Variants in KCTD16 observed in about 807,000 individuals in gnomAD.
The protein encoded by KCTD16 is BTB/POZ domain-containing protein KCTD16.
Under a neutral mutation model 33.2 loss-of-function variants are expected in KCTD16, and 13 were observed. The observed-to-expected ratio is 0.39, with a 90% confidence interval of 0.25 to 0.62. The LOEUF is 0.62. KCTD16 is among the 20% of genes least tolerant of loss of function. KCTD16 has a pLI of 0.50. For synonymous variants in KCTD16, 197 were observed against 195.3 expected, an observed-to-expected ratio of 1.01 and a Z score of -0.07; for missense variants, 441 against 525.1, an observed-to-expected ratio of 0.84 and a Z score of 1.57.
At chr5:144,218,994 C>T (rs1753648575) in intron 3 of KCTD16, among the ~76,000 whole-genome samples, 1 of 152,156 alleles carries the variant, frequency 6.6e-6, no homozygotes, top group Non-Finnish European at 1.5e-5. Context: ...GCATCAAACT[C>T]ATCTGGATAA....
At chr5:144,416,884 T>G (rs1561600257) in intron 3 of KCTD16, among the ~76,000 whole-genome samples, 2 of 152,198 alleles carry the variant, frequency 1.3e-5, no homozygotes, top group Non-Finnish European at 2.9e-5. Flanking sequence ...TGTGATATTG[T>G]GTGTGTGGCT....
intron 2 of KCTD16, among the ~76,000 whole-genome samples, chr5:144,193,502 C>T (rs1752883705): frequency 6.6e-6 from 1 of 152,100 alleles, no homozygotes; most frequent in South Asian, 2.1e-4. Context: ...TATCAATCCT[C>T]TTCTCCTTGC....
intron 3 of KCTD16, among the ~76,000 whole-genome samples, chr5:144,320,660 T>C (rs1752046668): frequency 6.6e-6 from 1 of 152,162 alleles, no homozygotes. Flanking sequence ...GTGCAACTCA[T>C]TTGCTACCTG....
intron 3 of KCTD16, among the ~76,000 whole-genome samples, chr5:144,318,093 A>G (rs1751971363): frequency 6.6e-6 from 1 of 152,174 alleles, no homozygotes; most frequent in African/African-American, 2.4e-5. Flanking sequence ...TGGCTATGCA[A>G]TGTTTCCTTT....
intron 3 of KCTD16, among the ~76,000 whole-genome samples, chr5:144,388,871 TGATA>T (rs756480976): frequency 4.6e-5 from 7 of 152,352 alleles, no homozygotes; most frequent in Admixed American, 1.3e-4. Context: ...AAACTCATTC[TGATA>T]GATAAATAGT....
chr5:144,271,553 C>T (rs189769253), intron 3 of KCTD16, among the ~76,000 whole-genome samples: 4 of 152,092 alleles, frequency 2.6e-5, no homozygotes, highest in Admixed American at 6.5e-5. Context: ...ACACTGAATG[C>T]TGTAAGACTG....
At chr5:144,212,451 G>A (rs1040513266) in intron 3 of KCTD16, among the ~76,000 whole-genome samples, 2 of 152,214 alleles carry the variant, frequency 1.3e-5, no homozygotes, top group South Asian at 2.1e-4. Context: ...CTCTGAAGTT[G>A]CCCCCAAGTG....
chr5:144,369,450 T>C (rs1037489053), intron 3 of KCTD16: 5 of 152,158 alleles, frequency 3.3e-5, no homozygotes, highest in African/African-American at 1.2e-4. Context: ...CCCCAACCTG[T>C]AGTCAACACG....
intron 3 of KCTD16, among the ~76,000 whole-genome samples, chr5:144,362,918 T>C (rs1190590076): frequency 5.9e-5 from 9 of 152,218 alleles, no homozygotes; most frequent in Non-Finnish European, 1.5e-5. Context: ...ATGGTGTATG[T>C]AAAGTGATTG....
chr5:144,405,102 T>G (rs2126949137), intron 3 of KCTD16, among the ~76,000 whole-genome samples: 1 of 152,310 alleles, frequency 6.6e-6, no homozygotes, highest in Middle Eastern at 3.4e-3. Flanking sequence ...GAGACTGAAC[T>G]TAAGTAATTT....
At chr5:144,179,527 C>T (rs1440034103) in intron 2 of KCTD16, among the ~76,000 whole-genome samples, 1 of 152,170 alleles carries the variant, frequency 6.6e-6, no homozygotes, top group Non-Finnish European at 1.5e-5. Context: ...TCTCATCTGT[C>T]CAGTGTTGAG....
rs146249738 is a variant in KCTD16, at chr5:144,246,623, AAC to A, written c.832+39081_832+39082del. 3.3e-3 allele frequency among the ~76,000 whole-genome samples: 505 copies of A among 152,314 alleles called. 1 individual carries two copies. The highest frequency in any genetic ancestry group is 0.012 in the African/African-American group (484 of 41,564). Reference sequence around the variant, plus strand: ...CCTATCTCCATATCACCTCAAGTAAAACACAACAAATCACCAAATGATAATTT... The same window carrying A: ...CCTATCTCCATATCACCTCAAGTAAAACAACAAATCACCAAATGATAATTT... On this transcript the variant is annotated intron_variant, in intron 3 of 3. Coordinates refer to ENST00000512467, the MANE Select transcript of KCTD16 (RefSeq NM_020768.4).
rs185152603 is a variant in KCTD16, at chr5:144,271,708, A to G, written c.832+64162A>G. Among the ~76,000 whole-genome samples, 146 of 152,096 alleles carry G rather than the reference A, an allele frequency of 9.6e-4. 2 individuals carry two copies. Among genetic ancestry groups the G allele is most frequent in the African/African-American group, 3.3e-3 (138 of 41,510 alleles). ...TCTAAATTGGAAAGGAAGAAGTAAA[A>G]TTATCTCTGTTTACAGATGATGTGA... On this transcript the variant is annotated intron_variant, in intron 3 of 3. Transcript: ENST00000512467.
At chr5:144,298,552 G>T (rs543588380) in intron 3 of KCTD16, among the ~76,000 whole-genome samples, 2 of 152,066 alleles carry the variant, frequency 1.3e-5, no homozygotes, top group Admixed American at 1.3e-4. Context: ...TAAGTGAAGC[G>T]CTTAGTACTG....
chr5:144,309,721 C>A lies in KCTD16; in HGVS notation c.832+102175C>A, dbSNP rs190483061. Among the ~76,000 whole-genome samples, 10 of 152,268 alleles carry A rather than the reference C, an allele frequency of 6.6e-5. No homozygotes were observed. In the East Asian group the frequency reaches 1.7e-3, roughly 26 times the overall value. On this transcript the variant is annotated intron_variant, in intron 3 of 3. Transcript: ENST00000512467. ...ACAGTAGCTTCTTAAATAACTCACACACTGGTCCTAAGTTCGAGAGACTCC... is the reference window on the plus strand; with the variant it reads ...ACAGTAGCTTCTTAAATAACTCACAAACTGGTCCTAAGTTCGAGAGACTCC...
At chr5:144,289,274 T>C (rs1755831642) in intron 3 of KCTD16, among the ~76,000 whole-genome samples, 1 of 152,194 alleles carries the variant, frequency 6.6e-6, no homozygotes, top group Non-Finnish European at 1.5e-5. Flanking sequence ...CCTACTGCAT[T>C]TCACCCTGGG....
At chr5:144,398,706 A>ACTCTCTCTCTCTCT (rs202105888) in intron 3 of KCTD16, among the ~76,000 whole-genome samples, 1 of 146,498 alleles carries the variant, frequency 6.8e-6, no homozygotes, top group African/African-American at 2.7e-5. Context: ...ACACACACAC[A>ACTCTCTCTCTCTCT]CACTCTCTCT....
chr5:144,265,745 CTG>C (rs1301697788), intron 3 of KCTD16, among the ~76,000 whole-genome samples: 1 of 152,192 alleles, frequency 6.6e-6, no homozygotes, highest in Non-Finnish European at 1.5e-5. Context: ...GTATTTGAAA[CTG>C]TCATTTAATA....
intron 3 of KCTD16, among the ~76,000 whole-genome samples, chr5:144,316,508 CTTTTTT>C (rs398050808): frequency 8.3e-6 from 1 of 119,960 alleles, no homozygotes. Context: ...TGTTTTTTGT[CTTTTTT>C]TTTTTTTTTT....
Sources: gnomAD v4.1 joint callset for allele counts (sites outside exome capture counted in the v4.1 genomes callset) on GRCh38, gnomAD v4.1.1 for gene constraint, MANE v1.5 for transcripts, NCBI Gene and HGNC (gene_info 2026-07-23, HGNC 2026-07-21) for gene names.